NTM: variants seen among roughly 807,000 people sequenced by gnomAD.
The protein encoded by NTM is neurotrimin.
Under a neutral mutation model 42.1 loss-of-function variants are expected in NTM, and 13 were observed. The observed-to-expected ratio is 0.31, with a 90% CI of 0.20 to 0.49. The LOEUF (loss-of-function observed/expected upper bound fraction) is 0.49, where lower values mean the gene tolerates loss of function less well. Ranked by LOEUF, NTM falls within the 20% of genes least tolerant of loss-of-function variation. The probability of loss-of-function intolerance (pLI) is 0.99; values close to 1 mark genes in which losing one functional copy is unlikely to be tolerated. For synonymous variants in NTM, 187 were observed against 179.2 expected (o/e 1.04, Z -0.35); for missense variants, 373 against 452.8 (o/e 0.82, Z 1.60).
At chr11:132,239,762 G>A (rs1203686867) in intron 4 of NTM, among the ~76,000 whole-genome samples, 1 of 152,110 alleles carries the variant, frequency 6.6e-6, no homozygotes, top group Non-Finnish European at 1.5e-5. Flanking sequence ...CTGTATGTGT[G>A]ATGTGTTTCA....
At chr11:131,402,468 C>T (rs1945351543) in intron 1 of NTM, among the ~76,000 whole-genome samples, 1 of 150,260 alleles carries the variant, frequency 6.7e-6, no homozygotes, top group African/African-American at 2.4e-5. Flanking sequence ...GATTAGTTTC[C>T]ATGGGAAGTG....
chr11:131,968,197 A>T (rs1306009243), intron 2 of NTM, among the ~76,000 whole-genome samples: 6 of 152,200 alleles, frequency 3.9e-5, no homozygotes, highest in Admixed American at 1.3e-4. Flanking sequence ...GGAAATAAAA[A>T]ACAAAAAACT....
intron 1 of NTM, among the ~76,000 whole-genome samples, chr11:131,684,377 A>C (rs575668320): frequency 7.0e-4 from 107 of 152,262 alleles, no homozygotes; most frequent in African/African-American, 2.1e-3. Context: ...AAACTATAGA[A>C]AGGCAGTTCC....
intron 1 of NTM, among the ~76,000 whole-genome samples, chr11:131,874,040 T>TATATATAATAATATAATATA (rs2048229589): frequency 2.9e-5 from 1 of 34,088 alleles, no homozygotes; most frequent in Non-Finnish European, 4.5e-5. Flanking sequence ...AATATATATA[T>TATATATAATAATATAATATA]ATATATATAT....
intron 4 of NTM, among the ~76,000 whole-genome samples, chr11:132,262,167 GAGT>G: frequency 6.6e-6 from 1 of 152,296 alleles, no homozygotes; most frequent in East Asian, 1.9e-4. Flanking sequence ...ATTCCCCCAG[GAGT>G]CTCTCCAGGG....
intron 1 of NTM, among the ~76,000 whole-genome samples, chr11:131,498,065 G>A (rs144324965): frequency 9.9e-4 from 151 of 152,286 alleles, no homozygotes; most frequent in Middle Eastern, 3.4e-3. Flanking sequence ...TGTTCTCTCC[G>A]TTTCTCCATC....
At chr11:131,541,420 G>T (rs1453412164) in intron 1 of NTM, among the ~76,000 whole-genome samples, 1 of 152,232 alleles carries the variant, frequency 6.6e-6, no homozygotes. Context: ...GGTTACTTCT[G>T]GAATATATGT....
intron 1 of NTM, among the ~76,000 whole-genome samples, chr11:131,733,473 TC>T (rs2079970920): frequency 1.5e-5 from 2 of 134,026 alleles, no homozygotes; most frequent in African/African-American, 5.8e-5. Context: ...TTTCCTTCCT[TC>T]CTTCCTTCCT....
intron 1 of NTM, among the ~76,000 whole-genome samples, chr11:131,626,467 T>A (rs1407214425): frequency 1.3e-5 from 2 of 152,192 alleles, no homozygotes; most frequent in African/African-American, 2.4e-5. Context: ...GATTCACACT[T>A]ATAGGGAAGT....
intron 1 of NTM, among the ~76,000 whole-genome samples, chr11:131,462,401 T>A (rs757273584): frequency 3.9e-5 from 6 of 152,182 alleles, no homozygotes; most frequent in Non-Finnish European, 8.8e-5. Flanking sequence ...CAATCATACA[T>A]CCGTTTTAAA....
chr11:131,822,596 T>C (rs1041849849), intron 1 of NTM, among the ~76,000 whole-genome samples: 1 of 152,190 alleles, frequency 6.6e-6, no homozygotes, highest in Admixed American at 6.5e-5. Context: ...GTGTCTTGAA[T>C]CAGCAACTGA....
intron 4 of NTM, among the ~76,000 whole-genome samples, chr11:132,257,698 C>T (rs1054067079): frequency 2.6e-5 from 4 of 152,200 alleles, no homozygotes; most frequent in African/African-American, 9.6e-5. Context: ...TATTTTTGCC[C>T]ATCTTACAGA....
At chr11:132,264,349 T>C (rs535674376) in intron 4 of NTM, among the ~76,000 whole-genome samples, 2 of 152,376 alleles carry the variant, frequency 1.3e-5, no homozygotes, top group East Asian at 3.9e-4. Flanking sequence ...TATTGGGTTG[T>C]TTATCATTTT....
At chr11:131,601,322 C>G (rs1239215306) in intron 1 of NTM, among the ~76,000 whole-genome samples, 1 of 152,192 alleles carries the variant, frequency 6.6e-6, no homozygotes, top group Non-Finnish European at 1.5e-5. Flanking sequence ...AGTCTCTTCC[C>G]TACTAACTGC....
chr11:132,001,683 CA>C (rs1002550214), intron 2 of NTM, among the ~76,000 whole-genome samples: 68 of 152,234 alleles, frequency 4.5e-4, no homozygotes, highest in African/African-American at 1.5e-3. Context: ...CATCTCCCAC[CA>C]GGCCCTATGC....
rs181532602 is a variant in NTM, at chr11:131,371,697, G to A, written c.82+809G>A. The stretch of plus-strand genomic sequence containing the variant: ...GGCCTCCACCTTGAGTCCATTTGCT[G>A]CACCGTGCCTCCCCACACCCCATCC... On this transcript the variant is annotated intron_variant, in intron 1 of 8. Transcript: ENST00000683400. Among the ~76,000 whole-genome samples, 35 of 152,306 alleles carry A rather than the reference G, an allele frequency of 2.3e-4. No individual in the cohort carries two copies. In the East Asian group the frequency reaches 6.2e-3, roughly 27 times the overall value.
At chr11:132,103,788 C>T (rs2061922888) in intron 2 of NTM, among the ~76,000 whole-genome samples, 1 of 152,164 alleles carries the variant, frequency 6.6e-6, no homozygotes, top group South Asian at 2.1e-4. Flanking sequence ...ATTTCCTTAC[C>T]TCTAAAGGTC....
chr11:131,583,078 G>A (rs535794231), intron 1 of NTM, among the ~76,000 whole-genome samples: 4 of 152,292 alleles, frequency 2.6e-5, no homozygotes, highest in South Asian at 4.2e-4. Flanking sequence ...TGATCCAAAT[G>A]CATCACTAAC....
intron 4 of NTM, among the ~76,000 whole-genome samples, chr11:132,273,309 GTTTTTTTTTTTTT>G (rs57877862): frequency 7.2e-5 from 4 of 55,656 alleles, no homozygotes; most frequent in Non-Finnish European, 1.2e-4. Context: ...GTTGACTAGT[GTTTTTTTTTTTTT>G]TTTTTTTTTT....
Sources: allele counts gnomAD v4.1 joint callset (sites outside exome capture counted in the v4.1 genomes callset), GRCh38; gene constraint gnomAD v4.1.1; transcripts MANE v1.5; gene names NCBI Gene and HGNC (gene_info 2026-07-23, HGNC 2026-07-21).